The following FAM53A variants were observed in gnomAD, a reference collection of about 807,000 sequenced individuals.
FAM53A encodes the protein protein FAM53A.
Under a neutral mutation model 26.6 loss-of-function variants are expected in FAM53A, and 28 were observed. The ratio of observed to expected loss-of-function variants is 1.05; its 90% confidence interval spans 0.78 to 1.45. The LOEUF is 1.45. Among genes scored for constraint, FAM53A ranks in the 40% most tolerant of loss-of-function variants. The pLI is 0.00. For synonymous variants in FAM53A, 290 were observed against 253.1 expected (o/e 1.15, Z -1.38); for missense variants, 650 against 575.8 (o/e 1.13, Z -1.32).
downstream of FAM53A, among the ~76,000 whole-genome samples, chr4:1,617,010 G>C (rs908144172): frequency 1.3e-5 from 2 of 151,176 alleles, no homozygotes; most frequent in African/African-American, 2.5e-5. Flanking sequence ...GGTGGTACGT[G>C]TCTGTTGTCC....
At chr4:1,621,786 C>A (rs781324046) in intron 1 of FAM53A, among the ~76,000 whole-genome samples, 5 of 152,224 alleles carry the variant, frequency 3.3e-5, no homozygotes, top group African/African-American at 1.2e-4. Flanking sequence ...ACGTCTGGCC[C>A]GTGCCGTCCC....
chr4:1,576,337 TG>T, the FAM53A span, among the ~76,000 whole-genome samples: 1 of 152,222 alleles, frequency 6.6e-6, no homozygotes, highest in South Asian at 2.1e-4. Context: ...GCATGATCAG[TG>T]GCGGCAGTAA....
chr4:1,682,549 C>T (rs577471936), intron 1 of FAM53A, among the ~76,000 whole-genome samples: 1 of 152,292 alleles, frequency 6.6e-6, no homozygotes, highest in Non-Finnish European at 1.5e-5. Flanking sequence ...GTGTGAGCCA[C>T]CGCGCCTAGC....
At chr4:1,606,420 G>A in the FAM53A span, among the ~76,000 whole-genome samples, 86 of 152,030 alleles carry the variant, frequency 5.7e-4, no homozygotes, top group Admixed American at 2.4e-3. Flanking sequence ...AGCTCTTCCC[G>A]CCGCGGGCTC....
the FAM53A span, among the ~76,000 whole-genome samples, chr4:1,612,329 G>C: frequency 6.6e-6 from 1 of 152,276 alleles, no homozygotes; most frequent in African/African-American, 2.4e-5. Context: ...ACACCAGGTC[G>C]TGCAAGACCT....
chr4:1,575,611 C>T, the FAM53A span, among the ~76,000 whole-genome samples: 11,495 of 152,028 alleles, frequency 0.076, 483 homozygotes, highest in South Asian at 0.18. Context: ...GTACAGGTGG[C>T]GGCTGTCCAG....
the FAM53A span, among the ~76,000 whole-genome samples, chr4:1,586,706 C>T: frequency 6.9e-6 from 1 of 145,884 alleles, no homozygotes; most frequent in East Asian, 2.1e-4. Flanking sequence ...TGGTGTGAAC[C>T]TGGGAGGCAG....
At chr4:1,593,830 T>C in the FAM53A span, among the ~76,000 whole-genome samples, 1 of 152,208 alleles carries the variant, frequency 6.6e-6, no homozygotes, top group African/African-American at 2.4e-5. Context: ...AAATTAAGTA[T>C]TGATCAAATT....
chr4:1,669,454 T>C (rs1208811709), intron 1 of FAM53A, among the ~76,000 whole-genome samples: 1 of 152,236 alleles, frequency 6.6e-6, no homozygotes, highest in African/African-American at 2.4e-5. Flanking sequence ...TTTCAGGCTC[T>C]GAGCTCTCCA....
At chr4:1,683,670 C>T (rs1400501183) in intron 1 of FAM53A, 1 of 152,202 alleles carries the variant, frequency 6.6e-6, no homozygotes, top group East Asian at 1.9e-4. Flanking sequence ...GAAGAGGCAC[C>T]AAGGATGCCG....
chr4:1,621,451 T>C (rs760581587), intron 1 of FAM53A, among the ~76,000 whole-genome samples: 61 of 152,128 alleles, frequency 4.0e-4, no homozygotes, highest in Non-Finnish European at 5.9e-5. Context: ...TCTAACACTT[T>C]CACTCACATC....
chr4:1,574,951 G>T, the FAM53A span, among the ~76,000 whole-genome samples: 4 of 152,258 alleles, frequency 2.6e-5, no homozygotes, highest in African/African-American at 7.2e-5. Flanking sequence ...TTAAAAATGT[G>T]CCAGGTGGAT....
chr4:1,617,792 T>A (rs987617699), downstream of FAM53A: 27 of 331,142 alleles, frequency 8.2e-5, no homozygotes, highest in Admixed American at 1.1e-3. Flanking sequence ...GGTATAGCAT[T>A]CTGGGTTGAC....
At chr4:1,673,383 G>A (rs1383892720) in intron 1 of FAM53A, among the ~76,000 whole-genome samples, 2 of 152,190 alleles carry the variant, frequency 1.3e-5, no homozygotes, top group South Asian at 4.1e-4. Flanking sequence ...GCACGCCCTC[G>A]ACAGAGAAAC....
chr4:1,673,081 G>A (rs1045345614), intron 1 of FAM53A, among the ~76,000 whole-genome samples: 2 of 152,174 alleles, frequency 1.3e-5, no homozygotes, highest in Admixed American at 6.5e-5. Flanking sequence ...CCTGGAACCT[G>A]ATTATTTAAT....
chr4:1,656,998 C>T (rs1188312430), intron 3 of FAM53A, among the ~76,000 whole-genome samples: 1 of 152,216 alleles, frequency 6.6e-6, no homozygotes, highest in Non-Finnish European at 1.5e-5. Flanking sequence ...CACAGCCACA[C>T]CCTCCACTGC....
chr4:1,589,811 G>A, the FAM53A span, among the ~76,000 whole-genome samples: 2 of 151,648 alleles, frequency 1.3e-5, no homozygotes, highest in African/African-American at 4.8e-5. Context: ...CATCAGTATT[G>A]CCTGTCTTAT....
chr4:1,578,355 G>A, the FAM53A span, among the ~76,000 whole-genome samples: 1 of 152,226 alleles, frequency 6.6e-6, no homozygotes, highest in African/African-American at 2.4e-5. Context: ...GCGTGCAAGT[G>A]CCAGGGGCGG....
chr4:1,602,608 C>T, the FAM53A span, among the ~76,000 whole-genome samples: 2 of 152,286 alleles, frequency 1.3e-5, no homozygotes, highest in South Asian at 2.1e-4. Context: ...AAAATTGACT[C>T]GCTTCAAAGC....
Sources: gnomAD v4.1 joint callset for allele counts (sites outside exome capture counted in the v4.1 genomes callset) on GRCh38, gnomAD v4.1.1 for gene constraint, MANE v1.5 for transcripts, NCBI Gene and HGNC (gene_info 2026-07-23, HGNC 2026-07-21) for gene names.